Variants in NUP210L observed in about 807,000 individuals in gnomAD.
NUP210L encodes nuclear pore membrane glycoprotein 210-like.
A neutral mutation model predicts 208.5 loss-of-function variants in NUP210L; 74 were observed. That is an observed-to-expected ratio of 0.35 (90% CI 0.29 to 0.43). The LOEUF (loss-of-function observed/expected upper bound fraction) is 0.43, where lower values mean the gene tolerates loss of function less well. NUP210L is among the 20% of genes least tolerant of loss of function. NUP210L has a pLI of 1.00. For missense variants in NUP210L, 1,843 were observed against 2,289.4 expected, an observed-to-expected ratio of 0.81 and a Z score of 3.98; for synonymous variants, 780 against 816.9, an observed-to-expected ratio of 0.95 and a Z score of 0.77.
intron 12 of NUP210L, among the ~76,000 whole-genome samples, chr1:154,112,216 T>C (rs1355559491): frequency 6.6e-6 from 1 of 152,142 alleles, no homozygotes; most frequent in Non-Finnish European, 1.5e-5. Flanking sequence ...CTTGAGCCAC[T>C]GCACCTGGCC....
At chr1:154,027,023 C>T (rs1459062011) in intron 29 of NUP210L, among the ~76,000 whole-genome samples, 3 of 136,178 alleles carry the variant, frequency 2.2e-5, no homozygotes, top group Non-Finnish European at 4.6e-5. Flanking sequence ...GTGGAGGTTG[C>T]AGTGAGCTGA....
At chr1:154,080,373 GGAA>G (rs1426710469) in intron 16 of NUP210L, among the ~76,000 whole-genome samples, 1 of 135,810 alleles carries the variant, frequency 7.4e-6, no homozygotes, top group East Asian at 2.2e-4. Context: ...AAAAAAAAAA[GGAA>G]GAAGGAGAAA....
intron 7 of NUP210L, among the ~76,000 whole-genome samples, chr1:154,134,200 C>T (rs1174539981): frequency 6.6e-6 from 1 of 151,216 alleles, no homozygotes; most frequent in Non-Finnish European, 1.5e-5. Context: ...TCTAACTATA[C>T]TGGACAAAAT....
chr1:154,146,564 C>G (rs913467199), intron 2 of NUP210L, among the ~76,000 whole-genome samples: 12 of 149,964 alleles, frequency 8.0e-5, no homozygotes, highest in Non-Finnish European at 1.6e-4. Flanking sequence ...CCTGGGTGGT[C>G]AAGGCTGCAG....
At position 153,997,697 on chromosome 1, in the gene NUP210L, T is replaced by G. The variant is rs1231841320; in HGVS notation, c.5387-2517A>C. Among the ~76,000 whole-genome samples the G allele has an allele frequency of 4.1e-5, 6 of 147,072 alleles. No individual in the cohort carries two copies. In the South Asian group the frequency reaches 1.1e-3, roughly 27 times the overall value. On this transcript the variant is annotated intron_variant, in intron 37 of 39. Transcript: ENST00000368559. ...AGGCTGGTGATTACTGTATTTGTTT[T>G]TTTTTTTTTTTTTGAGACAGAGTCT...
intron 30 of NUP210L, among the ~76,000 whole-genome samples, chr1:154,024,530 A>AT (rs1238502765): frequency 6.6e-6 from 1 of 151,966 alleles, no homozygotes; most frequent in Non-Finnish European, 1.5e-5. Context: ...GCAAAGCTTA[A>AT]TTTTTTAAAA....
chr1:154,042,657 T>TG (rs1490891292), intron 27 of NUP210L, among the ~76,000 whole-genome samples: 7 of 150,862 alleles, frequency 4.6e-5, no homozygotes, highest in Admixed American at 6.6e-5. Flanking sequence ...CTTGATCTCC[T>TG]GACCTCCTGA....
At chr1:154,155,070 G>A (rs1457867537) in exon 1 of NUP210L, 3 of 1,545,448 alleles carry the variant, frequency 1.9e-6, no homozygotes, top group Non-Finnish European at 1.8e-6. Context: ...TCGGGTTCCC[G>A]CTCAACTACA....
chr1:154,050,316 A>G (rs920413709), intron 25 of NUP210L, among the ~76,000 whole-genome samples: 1 of 152,188 alleles, frequency 6.6e-6, no homozygotes, highest in Non-Finnish European at 1.5e-5. Context: ...TTCTATCCTT[A>G]GAGGAGATCC....
At chr1:154,001,736 T>A in exon 36 of NUP210L, 2 of 1,614,116 alleles carry the variant, frequency 1.2e-6, no homozygotes, top group Non-Finnish European at 1.7e-6. Flanking sequence ...TTAACATACC[T>A]CTAGCTTCCT....
chr1:154,107,031 G>C (rs1374573127), intron 12 of NUP210L, among the ~76,000 whole-genome samples: 2 of 152,114 alleles, frequency 1.3e-5, no homozygotes, highest in Non-Finnish European at 2.9e-5. Context: ...AGGCACCAGT[G>C]ACCAATCCTG....
In NUP210L at chr1:154,002,914, T is replaced by C. The variant is rs968678636; in HGVS notation, c.4931-929A>G. On this transcript the variant is annotated intron_variant, in intron 35 of 39. Transcript: ENST00000368559. ...AAAGACAGACAAGCTTTGAGCATCA[T>C]TAATAACTTATGTATCAGACCACCT... Among the ~76,000 whole-genome samples, 4 of 152,218 alleles carry C rather than the reference T, an allele frequency of 2.6e-5. No individual in the cohort carries two copies. In the East Asian group the frequency reaches 7.7e-4, roughly 29 times the overall value.
rs1649546920 is a variant in NUP210L, at chr1:153,992,892, T to G, written c.5610A>C (p.Leu1870=). The G allele has an allele frequency of 3.1e-6, 5 of 1,613,500 alleles. No individual in the cohort carries two copies. In the African/African-American group the frequency reaches 5.3e-5, roughly 17 times the overall value. ...GCCGACTTTGGGCCAATGGAGGTTGTAGACTCATGAAGTGAGGGGGAGAAC... is the reference window on the plus strand; with the variant it reads ...GCCGACTTTGGGCCAATGGAGGTTGGAGACTCATGAAGTGAGGGGGAGAAC... Residue 1870 remains leucine, a synonymous_variant, in exon 40 of 40, where the codon CTA becomes CTC. Coordinates refer to ENST00000368559, the Ensembl canonical transcript of NUP210L.
chr1:154,057,066 C>T (rs1415729857), intron 22 of NUP210L, 119 bp from the exon 23 acceptor site: 1 of 896,770 alleles, frequency 1.1e-6, no homozygotes, highest in Non-Finnish European at 1.7e-6. Context: ...GCAGCCTCAA[C>T]CTCCCAGACT....
chr1:154,114,015 C>A, intron 12 of NUP210L, among the ~76,000 whole-genome samples: 1 of 150,500 alleles, frequency 6.6e-6, no homozygotes, highest in African/African-American at 2.4e-5. Flanking sequence ...TGGTAGTGGG[C>A]GCCTGTAATC....
chr1:154,070,732 TTTG>T (rs1654668990), intron 16 of NUP210L, among the ~76,000 whole-genome samples: 1 of 152,180 alleles, frequency 6.6e-6, no homozygotes, highest in Non-Finnish European at 1.5e-5. Context: ...GTTATTTTGT[TTTG>T]TTGATGTAGG....
At chr1:154,143,626 T>TGAGA in intron 2 of NUP210L, 49 bp from the exon 3 acceptor site, 1 of 1,508,992 alleles carries the variant, frequency 6.6e-7, no homozygotes, top group Non-Finnish European at 9.1e-7. Flanking sequence ...GTCATGAATC[T>TGAGA]ATTAAATGTC....
At chr1:154,112,211 G>A (rs1657077626) in intron 12 of NUP210L, among the ~76,000 whole-genome samples, 1 of 152,120 alleles carries the variant, frequency 6.6e-6, no homozygotes, top group South Asian at 2.1e-4. Flanking sequence ...ACAGGCTTGA[G>A]CCACTGCACC....
chr1:154,133,888 G>T (rs1169878142), intron 7 of NUP210L, among the ~76,000 whole-genome samples: 1 of 151,608 alleles, frequency 6.6e-6, no homozygotes, highest in Non-Finnish European at 1.5e-5. Context: ...AGTGGCTCAT[G>T]CCTGTAATCC....
Sources: gnomAD v4.1 joint callset for allele counts (sites outside exome capture counted in the v4.1 genomes callset) on GRCh38, gnomAD v4.1.1 for gene constraint, MANE v1.5 for transcripts, NCBI Gene and HGNC (gene_info 2026-07-23, HGNC 2026-07-21) for gene names.